The following PACSIN2 variants were observed in gnomAD, a reference collection of about 807,000 sequenced individuals.
PACSIN2 encodes protein kinase C and casein kinase substrate in neurons 2.
PACSIN2 carries 25 observed loss-of-function variants against 63.8 expected under a neutral mutation model. That is an observed-to-expected ratio of 0.39 (90% CI 0.29 to 0.55). The LOEUF is 0.55. PACSIN2 is among the 20% of genes least tolerant of loss of function. PACSIN2 has a pLI of 0.62. For missense variants in PACSIN2, 518 were observed against 646.9 expected, an observed-to-expected ratio of 0.80 and a Z score of 2.16; for synonymous variants, 255 against 256.2, an observed-to-expected ratio of 1.00 and a Z score of 0.05.
chr22:42,996,249 T>A (rs1214304294), intron 1 of PACSIN2, among the ~76,000 whole-genome samples: 1 of 145,124 alleles, frequency 6.9e-6, no homozygotes, highest in Non-Finnish European at 1.5e-5. Flanking sequence ...TAGCCAGGTA[T>A]GACACTGGAC....
rs960773325 is a variant in PACSIN2 at position 42,871,532 on chromosome 22, C to T, written c.1349-63G>A. On this transcript the variant is annotated intron_variant, in intron 10 of 10. Transcript: ENST00000263246. The surrounding 1 kb of genome is among the most constrained non-coding windows in gnomAD (Gnocchi z 5.4). ...TGACACCGACGGTGGGCTACAGAGC[C>T]GCATTCACGAGCTTTGAGCCCACAG... The T allele has an allele frequency of 2.5e-5, 32 of 1,291,738 alleles. No individual in the cohort carries two copies. Among genetic ancestry groups the T allele is most frequent in the Admixed American group, 1.3e-4 (8 of 59,394 alleles). 80.0% of individuals were successfully genotyped at this position (1,291,738 alleles called of 1,614,324 possible).
At chr22:42,904,288 C>T (rs146133451) in intron 2 of PACSIN2, among the ~76,000 whole-genome samples, 123 of 152,334 alleles carry the variant, frequency 8.1e-4, no homozygotes, top group Middle Eastern at 6.8e-3. Flanking sequence ...CAGCATATGC[C>T]GCCCTGTGTG....
At chr22:42,873,053 G>C (rs568268179) in intron 10 of PACSIN2, among the ~76,000 whole-genome samples, 1 of 152,158 alleles carries the variant, frequency 6.6e-6, no homozygotes, top group Non-Finnish European at 1.5e-5. Flanking sequence ...CGCAAGAGAC[G>C]TAAGTCAAGC....
rs200278780 is a variant in PACSIN2 at position 42,871,350 on chromosome 22, C to T, written c.*7G>A. On this transcript the variant is annotated 3_prime_UTR_variant, in exon 11 of 11. Transcript: ENST00000263246. The surrounding 1 kb of genome is among the most constrained non-coding windows in gnomAD (Gnocchi z 5.4). ...CTCCGTCCCCCCGCTGGCCTGTCCC[C>T]GACTCATCACTGGATCGCCTCCACA... 37 of 1,598,514 alleles carry T rather than the reference C, an allele frequency of 2.3e-5. No homozygotes were observed. The highest frequency in any genetic ancestry group is 3.3e-4 in the Middle Eastern group (2 of 6,040).
chr22:42,985,773 T>C (rs1465427223), intron 1 of PACSIN2, among the ~76,000 whole-genome samples: 2 of 152,202 alleles, frequency 1.3e-5, no homozygotes, highest in African/African-American at 2.4e-5. Context: ...CCTGGAAATC[T>C]GATAAGTCTC....
chr22:42,996,413 T>C (rs1053492395), intron 1 of PACSIN2, among the ~76,000 whole-genome samples: 2 of 150,734 alleles, frequency 1.3e-5, no homozygotes, highest in Middle Eastern at 3.4e-3. Flanking sequence ...ACGCCCGTAA[T>C]CCCAGCTACT....
chr22:42,987,525 T>A (rs1922715383), intron 1 of PACSIN2, among the ~76,000 whole-genome samples: 1 of 98,082 alleles, frequency 1.0e-5, no homozygotes, highest in African/African-American at 4.7e-5. Flanking sequence ...ACGGGCACAT[T>A]CATTCTTTTT....
intron 4 of PACSIN2, among the ~76,000 whole-genome samples, chr22:42,889,049 G>A (rs1203056783): frequency 3.3e-5 from 5 of 152,210 alleles, no homozygotes; most frequent in South Asian, 4.1e-4. Context: ...TCTTTGTGAA[G>A]CTTTCATTTG....
intron 1 of PACSIN2, among the ~76,000 whole-genome samples, chr22:43,014,385 C>A (rs1314407082): frequency 1.4e-5 from 2 of 142,760 alleles, no homozygotes; most frequent in Non-Finnish European, 3.1e-5. Context: ...CCCCCCGGGA[C>A]ACGGAGGGTG....
At chr22:42,969,663 G>A (rs1456183457) in intron 1 of PACSIN2, among the ~76,000 whole-genome samples, 1 of 152,112 alleles carries the variant, frequency 6.6e-6, no homozygotes, top group Non-Finnish European at 1.5e-5. Context: ...ACTAGGTCAG[G>A]CACAGTGGTT....
rs140487653 is a variant in PACSIN2 at position 42,942,463 on chromosome 22, G to A, written c.-77-30306C>T. Among the ~76,000 whole-genome samples the A allele has an allele frequency of 2.0e-5, 3 of 152,140 alleles. No homozygotes were observed. In the East Asian group the frequency reaches 5.8e-4, roughly 29 times the overall value. On this transcript the variant is annotated intron_variant, in intron 1 of 10. Transcript: ENST00000263246. ...CCAAGGTGACAAAGACTTATGCTAT[G>A]TTTTAAGAGTTTTACATCACTTATT... is the stretch of plus-strand genomic sequence containing the variant.
intron 7 of PACSIN2, 89 bp from the exon 8 acceptor site, chr22:42,879,258 C>A: frequency 1.4e-6 from 2 of 1,434,086 alleles, no homozygotes; most frequent in Non-Finnish European, 1.9e-6. Context: ...AGCGAGCCTG[C>A]AGTTGGCTCT....
At chr22:42,936,060 C>T (rs1236635343) in intron 1 of PACSIN2, among the ~76,000 whole-genome samples, 1 of 151,840 alleles carries the variant, frequency 6.6e-6, no homozygotes, top group African/African-American at 2.4e-5. Context: ...AAAAAAAATA[C>T]AAAAAATTAG....
intron 1 of PACSIN2, among the ~76,000 whole-genome samples, chr22:42,962,802 A>G (rs1920927682): frequency 6.6e-6 from 1 of 150,796 alleles, no homozygotes; most frequent in South Asian, 2.1e-4. Flanking sequence ...GCAGAAAAAG[A>G]AAACTGACTT....
chr22:42,981,747 G>A (rs1238775547), intron 1 of PACSIN2, among the ~76,000 whole-genome samples: 2 of 116,928 alleles, frequency 1.7e-5, no homozygotes, highest in Non-Finnish European at 3.7e-5. Flanking sequence ...CCCTCTGCCC[G>A]GCCAGTCGCC....
intron 1 of PACSIN2, among the ~76,000 whole-genome samples, chr22:42,936,215 C>CA (rs5845572): frequency 0.62 from 80,261 of 128,792 alleles, 23,784 homozygotes; most frequent in East Asian, 0.73. Context: ...GACTCCGTCT[C>CA]AAAAAAAAAA....
chr22:42,943,412 C>G (rs1933265876), intron 1 of PACSIN2, among the ~76,000 whole-genome samples: 2 of 152,162 alleles, frequency 1.3e-5, no homozygotes, highest in African/African-American at 4.8e-5. Flanking sequence ...CCTGGTTAGA[C>G]TCTCCAGTAC....
At chr22:42,944,213 C>T (rs1300570120) in intron 1 of PACSIN2, among the ~76,000 whole-genome samples, 2 of 152,132 alleles carry the variant, frequency 1.3e-5, no homozygotes, top group Admixed American at 6.5e-5. Flanking sequence ...TCTGTGGAAC[C>T]GCACCCCCAG....
chr22:42,922,892 G>A (rs779528805), intron 1 of PACSIN2, among the ~76,000 whole-genome samples: 1 of 152,142 alleles, frequency 6.6e-6, no homozygotes, highest in African/African-American at 2.4e-5. Context: ...GAGAAGTAGG[G>A]CACTCTAAAA....
Sources: gnomAD v4.1 joint callset for allele counts (sites outside exome capture counted in the v4.1 genomes callset) on GRCh38, gnomAD v4.1.1 for gene constraint, Gnocchi (gnomAD v3.1) non-coding constraint, MANE v1.5 for transcripts, NCBI Gene and HGNC (gene_info 2026-07-23, HGNC 2026-07-21) for gene names.